The following TRPV2 variants were observed in gnomAD, a reference collection of about 807,000 sequenced individuals.
TRPV2 encodes the protein OTRPC2.
A neutral mutation model predicts 91.0 loss-of-function variants in TRPV2; 58 were observed. The observed-to-expected ratio is 0.64, with a 90% CI of 0.52 to 0.79. TRPV2 has a LOEUF of 0.79. Among genes scored for constraint, TRPV2 ranks in the 30% least tolerant of loss-of-function variants. The pLI is 0.00. For missense variants in TRPV2, 807 were observed against 969.6 expected (o/e 0.83, Z 2.23); for synonymous variants, 417 against 414.8 (o/e 1.01, Z -0.06).
In TRPV2 at chr17:16,432,078, G is replaced by A. The variant is rs2093415749; in HGVS notation, c.1767G>A (p.Gln589=). ...EGQEDEGNGA[Q]YRGILEASLE... is the part of the protein sequence containing the mutation. Reference sequence around the variant, plus strand: ...AGGAGGACGAGGGCAACGGGGCCCAGTACAGGGGTATCCTGGAAGCCTCCT... The same window carrying A: ...AGGAGGACGAGGGCAACGGGGCCCAATACAGGGGTATCCTGGAAGCCTCCT... The change falls in exon 12 of 15, where the codon CAG becomes CAA. Residue 589 remains glutamine, a synonymous_variant. Coordinates refer to ENST00000338560, the MANE Select transcript of TRPV2 (RefSeq NM_016113.5). 1 of 1,614,072 alleles carries A rather than the reference G, an allele frequency of 6.2e-7. No homozygotes were observed.
intron 3 of TRPV2, among the ~76,000 whole-genome samples, chr17:16,421,477 CAAAA>C: frequency 6.6e-6 from 1 of 151,300 alleles, no homozygotes; most frequent in African/African-American, 2.4e-5. Flanking sequence ...CTTGGCCTAC[CAAAA>C]ATGCTGGGAT....
In TRPV2 at chr17:16,426,725, C is replaced by T. The variant is rs144132596; in HGVS notation, c.1099C>T (p.Arg367Ter). The change falls in exon 7 of 15, where the codon CGA becomes TGA. Residue 367 changes from arginine to a stop codon, truncating the protein, a stop_gained. Transcript: ENST00000338560. LOFTEE classifies it high-confidence loss of function. The surrounding 1 kb of genome is among the most constrained non-coding windows in gnomAD (Gnocchi z 6.0). ...GGCTCTCCCCTCCCCACCCCAGCACCGACACCGAATGGTCGTTTTGGAGCC... is the reference window on the plus strand; with the variant it reads ...GGCTCTCCCCTCCCCACCCCAGCACTGACACCGAATGGTCGTTTTGGAGCC... ...IIAFHCKSPH[R>*]HRMVVLEPLN... 5.0e-6 allele frequency: 8 copies of T among 1,612,806 alleles called. No individual in the cohort carries two copies. The highest frequency in any genetic ancestry group is 4.5e-5 in the East Asian group (2 of 44,880).
At chr17:16,427,422 C>T in intron 7 of TRPV2, 27 bp from the exon 8 acceptor site, 2 of 1,609,642 alleles carry the variant, frequency 1.2e-6, no homozygotes, top group South Asian at 1.1e-5. Context: ...ACCCAAGGCC[C>T]TAGGTCTCAT....
chr17:16,417,889 A>G (rs1367067157), intron 2 of TRPV2, 21 bp downstream of exon 2: 2 of 1,609,334 alleles, frequency 1.2e-6, no homozygotes, highest in Non-Finnish European at 1.7e-6. Flanking sequence ...AAGTGGGGGC[A>G]GGGCAAAGGG....
chr17:16,432,344 A>T, intron 12 of TRPV2, 44 bp downstream of exon 12: 2 of 1,548,326 alleles, frequency 1.3e-6, no homozygotes, highest in South Asian at 2.4e-5. Flanking sequence ...CCCCACACTC[A>T]GGCGGTGGGG....
Position 16,426,002 on chromosome 17 carries a change from C to A in TRPV2, c.925-97C>A. 7.3e-7 allele frequency: 1 copy of A among 1,378,560 alleles called. No individual in the cohort carries two copies. Among genetic ancestry groups the A allele is most frequent in the Non-Finnish European group, 1.0e-6 (1 of 983,884 alleles). The allele number at this position is 1,378,560 out of a possible 1,614,324, so 85.4% of individuals were successfully genotyped here. A position where few individuals can be genotyped will look rare whatever the true frequency, so the allele number is the denominator to read the frequency against. On this transcript the variant is annotated intron_variant, in intron 5 of 14. Transcript: ENST00000338560. This position sits in a 1 kb window ranked among gnomAD's most constrained non-coding sequence, Gnocchi z 6.0. ...ACGTGTCAGCTGCAGCTCTGCAGACCGTGGGCAGCTGCTGAGTCCTGGGTG... is the reference window on the plus strand; with the variant it reads ...ACGTGTCAGCTGCAGCTCTGCAGACAGTGGGCAGCTGCTGAGTCCTGGGTG...
At chr17:16,417,471 T>C in intron 1 of TRPV2, 91 bp from the exon 2 acceptor site, 1 of 544,346 alleles carries the variant, frequency 1.8e-6, no homozygotes, top group Non-Finnish European at 3.3e-6. Context: ...CTCTAACAGC[T>C]GACCAGCCAG....
intron 8 of TRPV2, 68 bp from the exon 9 acceptor site, chr17:16,428,249 C>T: frequency 2.0e-6 from 3 of 1,514,862 alleles, no homozygotes; most frequent in Non-Finnish European, 2.7e-6. Flanking sequence ...GGCTCCCACT[C>T]AGCCAGGCCA....
At position 16,434,741 on chromosome 17, in the gene TRPV2, GCAGAGAAAAAGCCTGTCCTCCT is replaced by G. The variant is rs1176516742; in HGVS notation, c.2115-145_2115-124del. On this transcript the variant is annotated intron_variant, in intron 13 of 14. Transcript: ENST00000338560. ...CTCCAAGTGGGTGGCCCAGAACCCT[GCAGAGAAAAAGCCTGTCCTCCT>G]CAGGGCCTCTGTGTCCACCAGAGCA... 4.5e-6 allele frequency: 3 copies of G among 673,474 alleles called. No homozygotes were observed. The East Asian group carries it at 9.2e-5, about 21-fold the overall frequency. The allele number at this position is 673,474 out of a possible 1,614,324, so 41.7% of individuals were successfully genotyped here.
rs773371003 is a variant in TRPV2, at chr17:16,417,844, A to G, written c.176A>G (p.Asn59Ser). Residue 59 changes from asparagine (N) to serine (S), a missense_variant, in exon 2 of 15, where the codon AAC becomes AGC. Asn to Ser is a conservative substitution (Grantham distance 46). Transcript: ENST00000338560. ...KFAPQIRVNL[N>S]YRKGTGASQP... ...GCCCCTCAGATAAGAGTCAACCTCA[A>G]CTACCGAAAGGGAACAGGTGCCAGG... The G allele has an allele frequency of 2.5e-6, 4 of 1,614,140 alleles. No homozygotes were observed. The Admixed American group carries it at 5.0e-5, about 20-fold the overall frequency.
chr17:16,427,692 T>C, intron 8 of TRPV2, 145 bp downstream of exon 8: 1 of 742,186 alleles, frequency 1.3e-6, no homozygotes, highest in Non-Finnish European at 2.1e-6. Context: ...GGGCCAGAGG[T>C]TCTGGCCTTG....
chr17:16,426,360 G>A lies in TRPV2; in HGVS notation c.1095+91G>A. ...TGGGGCTGCCTGCTGGACCATATCTGCCCCATTCCTGTGCCAGTGGGGGTG... is the reference window on the plus strand; with the variant it reads ...TGGGGCTGCCTGCTGGACCATATCTACCCCATTCCTGTGCCAGTGGGGGTG... On this transcript the variant is annotated intron_variant, in intron 6 of 14. Transcript: ENST00000338560. This position sits in a 1 kb window ranked among gnomAD's most constrained non-coding sequence, Gnocchi z 6.0. 6.8e-7 allele frequency: 1 copy of A among 1,474,958 alleles called. No homozygotes were observed. 91.4% of individuals were successfully genotyped at this position (1,474,958 alleles called of 1,614,324 possible).
At position 16,426,630 on chromosome 17, in the gene TRPV2, A is replaced by C. The variant is rs2142994543; in HGVS notation, c.1096-92A>C. ...AGCCTGCTCCCTGTCCTCTCTCCTCATTTCCTGGGCCCTTGCTTTGATCTT... is the reference window on the plus strand; with the variant it reads ...AGCCTGCTCCCTGTCCTCTCTCCTCCTTTCCTGGGCCCTTGCTTTGATCTT... On this transcript the variant is annotated intron_variant, in intron 6 of 14. Transcript: ENST00000338560. The surrounding 1 kb of genome is among the most constrained non-coding windows in gnomAD (Gnocchi z 6.0). 1 of 1,470,232 alleles carries C rather than the reference A, an allele frequency of 6.8e-7. No individual in the cohort carries two copies. The highest frequency in any genetic ancestry group is 2.3e-5 in the East Asian group (1 of 43,826). The allele number at this position is 1,470,232 out of a possible 1,614,324, so 91.1% of individuals were successfully genotyped here.
chr17:16,431,873 T>C (rs1489194569), intron 11 of TRPV2, 23 bp downstream of exon 11: 2 of 1,613,388 alleles, frequency 1.2e-6, no homozygotes, highest in African/African-American at 2.7e-5. Flanking sequence ...TCCGGCCCCC[T>C]CCCCCTTCCC....
chr17:16,424,379 C>G (rs2093373140), intron 5 of TRPV2, among the ~76,000 whole-genome samples: 2 of 152,040 alleles, frequency 1.3e-5, no homozygotes, highest in South Asian at 4.1e-4. Flanking sequence ...TCAGGCTGGT[C>G]TTGAACTCCT....
intron 10 of TRPV2, among the ~76,000 whole-genome samples, chr17:16,429,968 G>T (rs985591923): frequency 1.3e-5 from 2 of 151,704 alleles, no homozygotes; most frequent in African/African-American, 2.4e-5. Flanking sequence ...GGGTTCAAGC[G>T]ATTCTCCTGC....
Position 16,432,036 on chromosome 17 carries a change from G to A in TRPV2, c.1725G>A (p.Val575=). The stretch of plus-strand genomic sequence containing the variant: ...CAGGCCCCAATGCCACAGAGTCAGT[G>A]CAGCCCATGGAGGGACAGGAGGACG... ...APTGPNATES[V]QPMEGQEDEG... The change falls in exon 12 of 15, where the codon GTG becomes GTA. Residue 575 remains valine (V), a synonymous_variant. Transcript: ENST00000338560. The A allele has an allele frequency of 6.2e-7, 1 of 1,613,288 alleles. No individual in the cohort carries two copies. Among genetic ancestry groups the A allele is most frequent in the Non-Finnish European group, 8.5e-7 (1 of 1,179,368 alleles).
intron 2 of TRPV2, among the ~76,000 whole-genome samples, chr17:16,418,439 AC>A (rs2093341478): frequency 6.6e-6 from 1 of 151,764 alleles, no homozygotes; most frequent in Non-Finnish European, 1.5e-5. Context: ...TGCATTTGGC[AC>A]CCCCTACTTC....
In TRPV2 at chr17:16,431,692, C is replaced by T. The variant is rs184370237; in HGVS notation, c.1588-92C>T. ...TATGTGTGCGTATGTGCAGTGTACACGGGAACCATGCTGCTGTGGGTGAGG... is the reference window on the plus strand; with the variant it reads ...TATGTGTGCGTATGTGCAGTGTACATGGGAACCATGCTGCTGTGGGTGAGG... On this transcript the variant is annotated intron_variant, in intron 10 of 14. Transcript: ENST00000338560. 2.8e-4 allele frequency: 336 copies of T among 1,182,388 alleles called. 3 individuals are homozygous for T. The East Asian group carries it at 6.1e-3, about 21-fold the overall frequency. 73.2% of individuals were successfully genotyped at this position (1,182,388 alleles called of 1,614,324 possible).
Sources: allele counts gnomAD v4.1 joint callset (sites outside exome capture counted in the v4.1 genomes callset), GRCh38; gene constraint gnomAD v4.1.1; non-coding constraint Gnocchi (gnomAD v3.1); transcripts MANE v1.5; gene names NCBI Gene and HGNC (gene_info 2026-07-23, HGNC 2026-07-21).